Variants in MGAT4C observed in about 807,000 individuals in gnomAD.
MGAT4C encodes alpha-1,3-mannosyl-glycoprotein 4-beta-N-acetylglucosaminyltransferase C.
In MGAT4C, 19 loss-of-function variants were observed where a neutral mutation model predicts 40.1. The ratio of observed to expected loss-of-function variants is 0.47; its 90% CI spans 0.33 to 0.70. The LOEUF is 0.70. Ranked by LOEUF, MGAT4C falls within the 30% of genes least tolerant of loss-of-function variation. The pLI is 0.02. For missense variants in MGAT4C, 491 were observed against 563.2 expected, an observed-to-expected ratio of 0.87 and a Z score of 1.30; for synonymous variants, 181 against 187.1, an observed-to-expected ratio of 0.97 and a Z score of 0.27.
intron 2 of MGAT4C, among the ~76,000 whole-genome samples, chr12:86,654,102 A>G (rs1338679303): frequency 6.6e-6 from 1 of 151,986 alleles, no homozygotes; most frequent in Admixed American, 6.6e-5. Flanking sequence ...TCTTAAAATC[A>G]CTACACTTCC....
chr12:86,557,458 T>G (rs1351888633), intron 2 of MGAT4C, among the ~76,000 whole-genome samples: 1 of 152,140 alleles, frequency 6.6e-6, no homozygotes, highest in African/African-American at 2.4e-5. Context: ...CTGATACCCA[T>G]GCACATTATC....
chr12:86,428,063 C>CAA (rs58989547), intron 3 of MGAT4C, among the ~76,000 whole-genome samples: 1 of 150,380 alleles, frequency 6.6e-6, no homozygotes, highest in African/African-American at 2.5e-5. Context: ...ACCACAACAA[C>CAA]AAAAAAACCC....
chr12:86,580,113 C>T (rs1185579011), intron 2 of MGAT4C, among the ~76,000 whole-genome samples: 2 of 151,254 alleles, frequency 1.3e-5, no homozygotes, highest in African/African-American at 2.4e-5. Context: ...CTTATTTCTA[C>T]CCCTAGTTTA....
chr12:86,106,017 C>T (rs139569543), intron 1 of MGAT4C, among the ~76,000 whole-genome samples: 6 of 152,064 alleles, frequency 3.9e-5, no homozygotes, highest in East Asian at 1.9e-4. Flanking sequence ...CATCATCTTC[C>T]GAAAAAAATT....
chr12:86,103,998 T>A (rs1875627268), intron 1 of MGAT4C, among the ~76,000 whole-genome samples: 1 of 152,078 alleles, frequency 6.6e-6, no homozygotes, highest in Non-Finnish European at 1.5e-5. Flanking sequence ...TTAAAAGACC[T>A]CAAAAAGTAA....
chr12:86,015,362 T>A (rs1888981666), intron 2 of MGAT4C, among the ~76,000 whole-genome samples: 1 of 152,058 alleles, frequency 6.6e-6, no homozygotes, highest in Non-Finnish European at 1.5e-5. Context: ...CGACAAGCTG[T>A]TTGTGCTGTG....
intron 3 of MGAT4C, among the ~76,000 whole-genome samples, chr12:86,360,294 G>T (rs1955433164): frequency 6.6e-6 from 1 of 152,170 alleles, no homozygotes; most frequent in Admixed American, 6.5e-5. Context: ...AGCACTTCAT[G>T]CTAAAAACTC....
At chr12:86,715,207 G>A (rs1950624573) in intron 2 of MGAT4C, among the ~76,000 whole-genome samples, 1 of 152,108 alleles carries the variant, frequency 6.6e-6, no homozygotes, top group Non-Finnish European at 1.5e-5. Context: ...CTGAATTTCA[G>A]TTATAACAGC....
chr12:86,610,363 G>A (rs940052761), intron 2 of MGAT4C, among the ~76,000 whole-genome samples: 1 of 152,072 alleles, frequency 6.6e-6, no homozygotes, highest in Non-Finnish European at 1.5e-5. Flanking sequence ...CAAGAGATGC[G>A]TAGTCAAACC....
chr12:86,504,935 C>A (rs1958444228), intron 2 of MGAT4C, among the ~76,000 whole-genome samples: 1 of 152,090 alleles, frequency 6.6e-6, no homozygotes, highest in South Asian at 2.1e-4. Context: ...GCATGAGACA[C>A]CGGCGCCCAG....
intron 1 of MGAT4C, among the ~76,000 whole-genome samples, chr12:86,212,765 G>C (rs1165955867): frequency 8.4e-6 from 1 of 118,944 alleles, no homozygotes; most frequent in East Asian, 2.5e-4. Context: ...AGTGGCGGTC[G>C]CCTGTAGTCC....
chr12:86,686,101 G>A (rs573243263), intron 2 of MGAT4C, among the ~76,000 whole-genome samples: 5 of 151,438 alleles, frequency 3.3e-5, no homozygotes, highest in East Asian at 3.9e-4. Context: ...GGATGGTCTC[G>A]ATCTCCTGAC....
intron 1 of MGAT4C, among the ~76,000 whole-genome samples, chr12:86,749,821 C>T (rs1209896372): frequency 6.6e-6 from 1 of 151,692 alleles, no homozygotes; most frequent in African/African-American, 2.4e-5. Flanking sequence ...AGCTAGGGCA[C>T]ATATTCTAAC....
chr12:86,806,282 T>C (rs1247633250), intron 1 of MGAT4C, among the ~76,000 whole-genome samples: 3 of 151,964 alleles, frequency 2.0e-5, no homozygotes, highest in African/African-American at 7.2e-5. Context: ...AATGCTACTA[T>C]AAGAAATAAT....
At chr12:86,402,816 C>A (rs531640225) in intron 3 of MGAT4C, among the ~76,000 whole-genome samples, 3 of 152,204 alleles carry the variant, frequency 2.0e-5, no homozygotes, top group African/African-American at 7.2e-5. Context: ...TGCAGCATTA[C>A]TGATGGAATT....
intron 1 of MGAT4C, among the ~76,000 whole-genome samples, chr12:86,062,610 T>C (rs897019562): frequency 2.6e-5 from 4 of 151,920 alleles, no homozygotes; most frequent in Admixed American, 1.3e-4. Context: ...TAACCCAATG[T>C]AAGGAAGCTA....
At chr12:86,732,751 G>A (rs1006230558) in intron 1 of MGAT4C, among the ~76,000 whole-genome samples, 1 of 150,244 alleles carries the variant, frequency 6.7e-6, no homozygotes, top group Non-Finnish European at 1.5e-5. Flanking sequence ...CCATGGACCA[G>A]TATTGATCTG....
intron 1 of MGAT4C, among the ~76,000 whole-genome samples, chr12:86,184,643 C>G (rs1490351312): frequency 6.8e-6 from 1 of 146,914 alleles, no homozygotes; most frequent in Non-Finnish European, 1.5e-5. Flanking sequence ...TTTTCTCTTC[C>G]TTCCATTCTC....
chr12:86,123,019 AG>A (rs370124322), intron 1 of MGAT4C, among the ~76,000 whole-genome samples: 10 of 152,284 alleles, frequency 6.6e-5, no homozygotes, highest in African/African-American at 2.4e-4. Context: ...TAGACAAGCC[AG>A]TATTAGTCAT....
Sources: allele counts gnomAD v4.1 joint callset (sites outside exome capture counted in the v4.1 genomes callset), GRCh38; gene constraint gnomAD v4.1.1; transcripts MANE v1.5; gene names NCBI Gene and HGNC (gene_info 2026-07-23, HGNC 2026-07-21).